Variants in YARS1 observed in about 807,000 individuals in gnomAD.
The protein encoded by YARS1 is tyrosine--tRNA ligase, cytoplasmic.
Under a neutral mutation model 62.2 loss-of-function variants are expected in YARS1, and 36 were observed. The ratio of observed to expected loss-of-function variants is 0.58; its 90% confidence interval spans 0.44 to 0.76. The LOEUF is 0.76. YARS1 is among the 30% of genes least tolerant of loss of function. The pLI is 0.00. For synonymous variants in YARS1, 234 were observed against 244.9 expected (o/e 0.96, Z 0.42); for missense variants, 524 against 639.8 (o/e 0.82, Z 1.95).
Position 32,776,073 on chromosome 1 carries a change from C to T in YARS1, c.1495G>A (p.Glu499Lys), listed in dbSNP as rs1652848915. 6.2e-7 allele frequency: 1 copy of T among 1,613,888 alleles called. No homozygotes were observed. The highest frequency in any genetic ancestry group is 1.3e-5 in the African/African-American group (1 of 74,902). The change falls in exon 13 of 13, where the codon GAG (glutamate) becomes AAG (lysine). Residue 499 changes from glutamate to lysine, a missense_variant. Coordinates refer to ENST00000373477, the MANE Select transcript of YARS1 (RefSeq NM_003680.4). This position sits in a 1 kb window ranked among gnomAD's most constrained non-coding sequence, Gnocchi z 4.0. ...TGCTTCCACTGTGCGATGCACTCCT[C>T]AGAAATTTTGAAGTCAGCCTGGACA... is the stretch of plus-strand genomic sequence containing the variant. ...EKLQADFKIS[E>K]ECIAQWKQTN...
intron 4 of YARS1, among the ~76,000 whole-genome samples, chr1:32,801,520 T>C (rs1265567248): frequency 6.6e-6 from 1 of 152,196 alleles, no homozygotes; most frequent in Non-Finnish European, 1.5e-5. Context: ...CCATGTCTGA[T>C]GGCTGCTGAC....
intron 4 of YARS1, 95 bp downstream of exon 4, chr1:32,806,387 T>C (rs1638467212): frequency 1.9e-6 from 3 of 1,596,676 alleles, no homozygotes; most frequent in Non-Finnish European, 2.6e-6. Context: ...AAACACAATA[T>C]CTGCGTAGTG....
At chr1:32,817,132 C>A in intron 1 of YARS1, 56 bp downstream of exon 1, 1 of 1,608,198 alleles carries the variant, frequency 6.2e-7, no homozygotes, top group South Asian at 1.1e-5. Context: ...GGCTCAAAAT[C>A]ACTGAACCTC....
chr1:32,782,344 C>A (rs956392848), intron 9 of YARS1, 60 bp downstream of exon 9: 2 of 1,613,220 alleles, frequency 1.2e-6, no homozygotes, highest in African/African-American at 2.7e-5. Flanking sequence ...GGCATTTTTC[C>A]AAGGCTCATT....
chr1:32,809,321 C>G (rs936741306), intron 3 of YARS1, among the ~76,000 whole-genome samples: 4 of 152,198 alleles, frequency 2.6e-5, no homozygotes, highest in Non-Finnish European at 5.9e-5. Flanking sequence ...CGCCTGGCCT[C>G]AAGTGATGTG....
intron 9 of YARS1, 184 bp downstream of exon 9, chr1:32,782,220 C>A: frequency 1.1e-6 from 1 of 908,354 alleles, no homozygotes; most frequent in Non-Finnish European, 1.7e-6. Context: ...TGATCACTTC[C>A]TGATGTTAAC....
chr1:32,804,176 C>A (rs909935933), intron 4 of YARS1, among the ~76,000 whole-genome samples: 4 of 152,280 alleles, frequency 2.6e-5, no homozygotes, highest in Non-Finnish European at 1.5e-5. Flanking sequence ...ATCTCTCTTT[C>A]TTTTCCCCAC....
chr1:32,805,595 A>G (rs1309908701), intron 4 of YARS1, among the ~76,000 whole-genome samples: 1 of 152,192 alleles, frequency 6.6e-6, no homozygotes, highest in Non-Finnish European at 1.5e-5. Flanking sequence ...CAAGAGGCCG[A>G]GCTTTCCGCC....
intron 4 of YARS1, among the ~76,000 whole-genome samples, chr1:32,804,348 C>T (rs1462131281): frequency 4.9e-4 from 72 of 146,722 alleles, no homozygotes; most frequent in African/African-American, 1.3e-3. Context: ...CCCTCCCGGA[C>T]GGGGTGGCTG....
chr1:32,797,027 T>C (rs1456944117), intron 5 of YARS1, among the ~76,000 whole-genome samples: 1 of 56,224 alleles, frequency 1.8e-5, no homozygotes, highest in African/African-American at 7.8e-5. Flanking sequence ...TATATATATA[T>C]ATATATATAT....
At chr1:32,782,878 G>C in intron 8 of YARS1, 1 of 326,978 alleles carries the variant, frequency 3.1e-6, no homozygotes, top group South Asian at 2.9e-5. Flanking sequence ...GTAACCCAAG[G>C]CCTAAAGATA....
chr1:32,807,619 G>A (rs1487905463), intron 3 of YARS1, among the ~76,000 whole-genome samples: 2 of 151,650 alleles, frequency 1.3e-5, no homozygotes, highest in Admixed American at 6.6e-5. Flanking sequence ...CACCACACCT[G>A]GCTAATTTTT....
At chr1:32,804,440 G>T (rs756678290) in intron 4 of YARS1, among the ~76,000 whole-genome samples, 8 of 151,798 alleles carry the variant, frequency 5.3e-5, no homozygotes, top group Non-Finnish European at 7.4e-5. Context: ...CCCGGACGGG[G>T]CGGCTGCCGG....
chr1:32,787,339 C>A (rs1419223146), intron 6 of YARS1, among the ~76,000 whole-genome samples: 3 of 151,668 alleles, frequency 2.0e-5, no homozygotes, highest in Admixed American at 2.0e-4. Context: ...GTGGCCCAGG[C>A]TGGTCTCAAA....
At chr1:32,787,215 A>G (rs749767994) in intron 6 of YARS1, 140 bp from the exon 7 acceptor site, 150 of 990,962 alleles carry the variant, frequency 1.5e-4, no homozygotes, top group Middle Eastern at 9.6e-4. Flanking sequence ...CTGCAGCCTC[A>G]GCCTCCTGGG....
intron 1 of YARS1, among the ~76,000 whole-genome samples, chr1:32,812,509 A>G (rs933003731): frequency 6.6e-6 from 1 of 152,240 alleles, no homozygotes; most frequent in African/African-American, 2.4e-5. Flanking sequence ...ATATTTTGAA[A>G]TGGCCCTGCA....
chr1:32,811,124 C>G, intron 1 of YARS1, 67 bp from the exon 2 acceptor site: 1 of 1,608,540 alleles, frequency 6.2e-7, no homozygotes, highest in Admixed American at 1.7e-5. Flanking sequence ...TACCATGTGA[C>G]AAGGAAAACA....
intron 4 of YARS1, among the ~76,000 whole-genome samples, chr1:32,798,682 T>C (rs1488328509): frequency 6.6e-6 from 1 of 152,000 alleles, no homozygotes; most frequent in African/African-American, 2.4e-5. Flanking sequence ...ATTAGCCAAG[T>C]GTGATGGTGC....
chr1:32,817,126 C>G, intron 1 of YARS1, 62 bp downstream of exon 1: 1 of 1,606,048 alleles, frequency 6.2e-7, no homozygotes. Flanking sequence ...TAATGGGGCT[C>G]AAAATCACTG....
Sources: gnomAD v4.1 joint callset for allele counts (sites outside exome capture counted in the v4.1 genomes callset) on GRCh38, gnomAD v4.1.1 for gene constraint, Gnocchi (gnomAD v3.1) non-coding constraint, MANE v1.5 for transcripts, NCBI Gene and HGNC (gene_info 2026-07-23, HGNC 2026-07-21) for gene names.